The following PLEKHD1 variants were observed in gnomAD, a reference collection of about 807,000 sequenced individuals.
The protein encoded by PLEKHD1 is pleckstrin homology domain-containing family D member 1.
A neutral mutation model predicts 69.2 loss-of-function variants in PLEKHD1; 51 were observed. That is an observed-to-expected ratio of 0.74 (90% CI 0.59 to 0.93). PLEKHD1 has a LOEUF of 0.93. PLEKHD1 is among the 40% of genes least tolerant of loss of function. PLEKHD1 has a pLI of 0.00. For missense variants in PLEKHD1, 584 were observed against 641.0 expected, an observed-to-expected ratio of 0.91 and a Z score of 0.96; for synonymous variants, 236 against 244.7, an observed-to-expected ratio of 0.96 and a Z score of 0.33.
chr14:69,483,078 C>T (rs1014293315), upstream of PLEKHD1, among the ~76,000 whole-genome samples: 4 of 152,140 alleles, frequency 2.6e-5, no homozygotes, highest in Non-Finnish European at 5.9e-5. Flanking sequence ...AGTCCCACCT[C>T]CTCCCACCTG....
At chr14:69,504,371 T>C (rs1444076737) in intron 6 of PLEKHD1, among the ~76,000 whole-genome samples, 1 of 152,192 alleles carries the variant, frequency 6.6e-6, no homozygotes, top group Non-Finnish European at 1.5e-5. Context: ...CTATCAGCCT[T>C]GGCTCAGAAC....
chr14:69,501,444 G>T, intron 4 of PLEKHD1: 2 of 356,560 alleles, frequency 5.6e-6, no homozygotes, highest in East Asian at 5.7e-5. Flanking sequence ...ATTCAGTAAT[G>T]TAAAAAAGCC....
chr14:69,488,018 C>T (rs558254936), intron 1 of PLEKHD1, among the ~76,000 whole-genome samples: 25 of 152,326 alleles, frequency 1.6e-4, no homozygotes, highest in African/African-American at 5.8e-4. Flanking sequence ...GCAACAGGAG[C>T]ATCTATAATC....
At chr14:69,475,485 A>T in the PLEKHD1 span, among the ~76,000 whole-genome samples, 1 of 152,090 alleles carries the variant, frequency 6.6e-6, no homozygotes, top group African/African-American at 2.4e-5. Flanking sequence ...ACGCTTCTGC[A>T]TTGGCAACAT....
chr14:69,470,775 T>C, the PLEKHD1 span, among the ~76,000 whole-genome samples: 1 of 152,146 alleles, frequency 6.6e-6, no homozygotes, highest in Admixed American at 6.5e-5. Flanking sequence ...TCTTTCTTTT[T>C]TTTTTCTTTG....
At position 69,489,916 on chromosome 14, in the gene PLEKHD1, G is replaced by C. The variant is rs79442345; in HGVS notation, c.149+4802G>C. 8.1e-3 allele frequency among the ~76,000 whole-genome samples: 1,237 copies of C among 152,272 alleles called. 18 individuals carry two copies. Among genetic ancestry groups the C allele is most frequent in the African/African-American group, 0.028 (1,176 of 41,540 alleles). ...GAGTCTCCTTCTGTCACCAAGGCTG[G>C]AGTACAGTGTCGTGATCTTGGCTCA... On this transcript the variant is annotated intron_variant, in intron 1 of 12. Transcript: ENST00000322564.
chr14:69,499,732 C>T (rs556826244), intron 1 of PLEKHD1, among the ~76,000 whole-genome samples: 10 of 152,358 alleles, frequency 6.6e-5, no homozygotes, highest in African/African-American at 1.7e-4. Flanking sequence ...CATCTTCTTG[C>T]GTTCCTTTTC....
chr14:69,513,813 G>T (rs1883323479), intron 6 of PLEKHD1, among the ~76,000 whole-genome samples: 1 of 152,112 alleles, frequency 6.6e-6, no homozygotes, highest in South Asian at 2.1e-4. Context: ...ATTTTTGTTT[G>T]TCTGAGAAAG....
chr14:69,468,954 TAGGA>T, the PLEKHD1 span, among the ~76,000 whole-genome samples: 1 of 152,204 alleles, frequency 6.6e-6, no homozygotes, highest in African/African-American at 2.4e-5. Context: ...TTTTTCAACT[TAGGA>T]AGAGAAATTT....
chr14:69,528,055 C>T, intron 12 of PLEKHD1, 123 bp downstream of exon 12: 1 of 1,486,718 alleles, frequency 6.7e-7, no homozygotes, highest in Non-Finnish European at 9.0e-7. Context: ...CCTGGCCCCA[C>T]CATCCTTGGG....
the PLEKHD1 span, among the ~76,000 whole-genome samples, chr14:69,475,939 C>T: frequency 5.3e-5 from 8 of 152,250 alleles, no homozygotes; most frequent in African/African-American, 1.9e-4. Flanking sequence ...ATAATTCAAC[C>T]AAGGGGAGGA....
chr14:69,508,109 T>G (rs1883191651), intron 6 of PLEKHD1, among the ~76,000 whole-genome samples: 1 of 152,204 alleles, frequency 6.6e-6, no homozygotes, highest in Non-Finnish European at 1.5e-5. Flanking sequence ...CATCTTAAAA[T>G]TTTTATTTAT....
upstream of PLEKHD1, among the ~76,000 whole-genome samples, chr14:69,480,552 AACGATG>A (rs1383437685): frequency 2.0e-5 from 3 of 152,226 alleles, no homozygotes; most frequent in Non-Finnish European, 4.4e-5. Context: ...GTAGTCCAAT[AACGATG>A]ACTCCAGGTG....
Position 69,500,886 on chromosome 14 carries a change from G to T in PLEKHD1, c.349G>T (p.Ala117Ser), listed in dbSNP as rs771440940. The part of the protein sequence containing the change: ...HQDFHGNILL[A>S]AESEFEQTQW... ...TTCCTGGCAGGGGAACATCTTGCTT[G>T]CTGCTGAGTCGGAGTTTGAGCAGAC... The change falls in exon 4 of 13, where the codon GCT becomes TCT. Residue 117 changes from alanine (A) to serine (S), a missense_variant. Transcript: ENST00000322564. 174 of 1,551,558 alleles carry T rather than the reference G, an allele frequency of 1.1e-4. No individual in the cohort carries two copies. The highest frequency in any genetic ancestry group is 4.5e-4 in the South Asian group (38 of 84,070).
intron 1 of PLEKHD1, among the ~76,000 whole-genome samples, chr14:69,486,328 T>C (rs1882654795): frequency 6.6e-6 from 1 of 152,300 alleles, no homozygotes; most frequent in East Asian, 1.9e-4. Context: ...TAGCTCACAT[T>C]TTATATCTCT....
At chr14:69,524,413 G>A in intron 8 of PLEKHD1, 91 bp downstream of exon 8, 3 of 1,119,928 alleles carry the variant, frequency 2.7e-6, no homozygotes, top group Non-Finnish European at 3.9e-6. Context: ...TTTCCCCAGG[G>A]GGTGATCTGT....
intron 8 of PLEKHD1, among the ~76,000 whole-genome samples, chr14:69,525,228 A>C (rs911339607): frequency 3.2e-4 from 48 of 152,128 alleles, no homozygotes; most frequent in Non-Finnish European, 1.2e-4. Flanking sequence ...CATCCCCTGA[A>C]GTGGGCCTGG....
At chr14:69,523,514 A>C (rs1479014786) in intron 7 of PLEKHD1, among the ~76,000 whole-genome samples, 1 of 152,180 alleles carries the variant, frequency 6.6e-6, no homozygotes, top group Non-Finnish European at 1.5e-5. Context: ...CAGGTATTAG[A>C]AGGAATAGAA....
At chr14:69,503,076 T>G in intron 6 of PLEKHD1, 197 bp downstream of exon 6, 1 of 604,450 alleles carries the variant, frequency 1.7e-6, no homozygotes, top group Non-Finnish European at 2.9e-6. Context: ...TCTTTCTCCT[T>G]ACCAACCCCT....
Sources: gnomAD v4.1 joint callset for allele counts (sites outside exome capture counted in the v4.1 genomes callset) on GRCh38, gnomAD v4.1.1 for gene constraint, MANE v1.5 for transcripts, NCBI Gene and HGNC (gene_info 2026-07-23, HGNC 2026-07-21) for gene names.